The following ERC2 variants were observed in gnomAD, a reference collection of about 807,000 sequenced individuals.
The protein encoded by ERC2 is ERC protein 2.
Under a neutral mutation model 114.8 loss-of-function variants are expected in ERC2, and 42 were observed. The observed-to-expected ratio is 0.37, with a 90% CI of 0.29 to 0.47. The LOEUF (loss-of-function observed/expected upper bound fraction) is 0.47, where lower values mean the gene tolerates loss of function less well. ERC2 is among the 20% of genes least tolerant of loss of function. The probability of loss-of-function intolerance (pLI) is 0.99; values close to 1 mark genes in which losing one functional copy is unlikely to be tolerated. For missense variants in ERC2, 939 were observed against 1,150.7 expected (o/e 0.82, Z 2.66); for synonymous variants, 454 against 425.5 (o/e 1.07, Z -0.82).
chr3:56,281,436 CAAAAAAAAAA>C (rs71099629), intron 3 of ERC2, among the ~76,000 whole-genome samples: 5 of 47,530 alleles, frequency 1.1e-4, no homozygotes, highest in East Asian at 1.4e-3. Flanking sequence ...GACTCCGTCT[CAAAAAAAAAA>C]AAAAAAAAAA....
At chr3:55,674,789 G>C (rs1265651733) in intron 17 of ERC2, among the ~76,000 whole-genome samples, 1 of 152,116 alleles carries the variant, frequency 6.6e-6, no homozygotes, top group African/African-American at 2.4e-5. Context: ...AGTGACTGAG[G>C]AACTAAGGAA....
At chr3:55,954,557 C>T (rs182119329) in intron 12 of ERC2, among the ~76,000 whole-genome samples, 55 of 152,228 alleles carry the variant, frequency 3.6e-4, no homozygotes, top group Admixed American at 2.0e-3. Flanking sequence ...AGGGCATATG[C>T]ATATTTGCAA....
At chr3:55,684,969 G>A (rs959710043) in intron 16 of ERC2, among the ~76,000 whole-genome samples, 1 of 152,130 alleles carries the variant, frequency 6.6e-6, no homozygotes, top group Non-Finnish European at 1.5e-5. Flanking sequence ...TGGTTAAGTT[G>A]TTACACTCTT....
intron 8 of ERC2, among the ~76,000 whole-genome samples, chr3:56,018,054 T>C (rs1274983814): frequency 6.6e-6 from 1 of 152,104 alleles, no homozygotes; most frequent in Non-Finnish European, 1.5e-5. Flanking sequence ...TCTGGGGAGT[T>C]TGTGGTGTTC....
chr3:55,759,171 A>G (rs758612171), intron 14 of ERC2, among the ~76,000 whole-genome samples: 5 of 152,236 alleles, frequency 3.3e-5, no homozygotes, highest in South Asian at 2.1e-4. Context: ...CCAACAGAGC[A>G]TAAATTAAAG....
intron 10 of ERC2, among the ~76,000 whole-genome samples, chr3:55,999,064 T>A (rs2149541930): frequency 6.6e-6 from 1 of 152,262 alleles, no homozygotes; most frequent in African/African-American, 2.4e-5. Flanking sequence ...TATTAAAATT[T>A]TTTGAAAGAC....
chr3:56,287,459 G>T (rs2054796643), intron 3 of ERC2, among the ~76,000 whole-genome samples: 1 of 152,134 alleles, frequency 6.6e-6, no homozygotes, highest in African/African-American at 2.4e-5. Flanking sequence ...GTCAAAAATG[G>T]AATGGGAAGA....
At chr3:55,554,228 C>T (rs1385335032) in intron 17 of ERC2, among the ~76,000 whole-genome samples, 1 of 152,136 alleles carries the variant, frequency 6.6e-6, no homozygotes, top group East Asian at 1.9e-4. Flanking sequence ...CCCAGTTGTT[C>T]CATCTGTAAA....
At chr3:55,555,449 T>G (rs2055536650) in intron 17 of ERC2, among the ~76,000 whole-genome samples, 2 of 152,084 alleles carry the variant, frequency 1.3e-5, no homozygotes, top group Admixed American at 6.5e-5. Flanking sequence ...CCAGAGCAAA[T>G]GCTTGGAGCG....
intron 6 of ERC2, among the ~76,000 whole-genome samples, chr3:56,134,924 T>TTTTTTGTTTTTG (rs202091525): frequency 6.7e-6 from 1 of 149,010 alleles, no homozygotes; most frequent in Non-Finnish European, 1.5e-5. Flanking sequence ...TTTTTTGTTT[T>TTTTTTGTTTTTG]TTTTTGTTTT....
chr3:56,318,538 G>A (rs1415968051), intron 2 of ERC2, among the ~76,000 whole-genome samples: 1 of 151,104 alleles, frequency 6.6e-6, no homozygotes, highest in African/African-American at 2.4e-5. Flanking sequence ...CCATGTATCT[G>A]ATAAGGGGTT....
intron 17 of ERC2, among the ~76,000 whole-genome samples, chr3:55,679,893 G>T (rs527344233): frequency 6.6e-6 from 1 of 152,222 alleles, no homozygotes; most frequent in South Asian, 2.1e-4. Context: ...CTAGTGTCCA[G>T]ACCCTGTCCG....
At chr3:56,430,255 T>G (rs538543213) in intron 2 of ERC2, among the ~76,000 whole-genome samples, 2 of 152,266 alleles carry the variant, frequency 1.3e-5, no homozygotes, top group Non-Finnish European at 2.9e-5. Context: ...TTATCCCTTT[T>G]GTATTTCTTT....
chr3:55,585,534 CT>C (rs1185971063), intron 17 of ERC2, among the ~76,000 whole-genome samples: 1 of 152,198 alleles, frequency 6.6e-6, no homozygotes, highest in Non-Finnish European at 1.5e-5. Context: ...CTCTCTTCCC[CT>C]CTCTATAACT....
At chr3:55,651,049 C>T (rs2060602418) in intron 17 of ERC2, among the ~76,000 whole-genome samples, 1 of 128,556 alleles carries the variant, frequency 7.8e-6, no homozygotes, top group Admixed American at 9.3e-5. Flanking sequence ...GTAGTAGACA[C>T]AGAGTTTCAC....
intron 3 of ERC2, among the ~76,000 whole-genome samples, chr3:56,242,303 TG>T (rs2051376701): frequency 6.6e-6 from 1 of 152,050 alleles, no homozygotes; most frequent in Non-Finnish European, 1.5e-5. Flanking sequence ...TAATGGACTT[TG>T]GGGACTTGGG....
rs77242425 is a variant in ERC2, at chr3:56,371,693, T to C, written c.657+62658A>G. Among the ~76,000 whole-genome samples the C allele has an allele frequency of 4.8e-3, 731 of 152,300 alleles. 2 individuals carry two copies. The highest frequency in any genetic ancestry group is 7.5e-3 in the Non-Finnish European group (510 of 68,022). On this transcript the variant is annotated intron_variant, in intron 2 of 17. Coordinates refer to ENST00000288221, the MANE Select transcript of ERC2 (RefSeq NM_015576.3). ...CCTCTCTACCCCACCTCCCAAGGGC[T>C]CAGGTTCAGCTGCTACCACCTATTA...
At chr3:56,435,935 C>CTTAA (rs1169014548) in intron 1 of ERC2, among the ~76,000 whole-genome samples, 1 of 152,164 alleles carries the variant, frequency 6.6e-6, no homozygotes, top group Non-Finnish European at 1.5e-5. Flanking sequence ...TTTGGTTGAC[C>CTTAA]TTAATATTCA....
intron 6 of ERC2, among the ~76,000 whole-genome samples, chr3:56,136,946 C>T (rs1045641153): frequency 2.6e-5 from 4 of 152,180 alleles, no homozygotes; most frequent in African/African-American, 7.2e-5. Flanking sequence ...TTTTTTTCTA[C>T]TTCAAAGCAC....
Sources: gnomAD v4.1 joint callset for allele counts (sites outside exome capture counted in the v4.1 genomes callset) on GRCh38, gnomAD v4.1.1 for gene constraint, MANE v1.5 for transcripts, NCBI Gene and HGNC (gene_info 2026-07-23, HGNC 2026-07-21) for gene names.